OSBPL9: variants seen among roughly 807,000 people sequenced by gnomAD.
OSBPL9 encodes oxysterol-binding protein-related protein 9.
OSBPL9 carries 40 observed loss-of-function variants against 106.6 expected under a neutral mutation model. The observed-to-expected ratio is 0.38, with a 90% CI of 0.29 to 0.49. The LOEUF (loss-of-function observed/expected upper bound fraction) is 0.49. Ranked by LOEUF, OSBPL9 falls within the 20% of genes least tolerant of loss-of-function variation. The pLI is 0.97. For missense variants in OSBPL9, 609 were observed against 887.2 expected, an observed-to-expected ratio of 0.69 and a Z score of 3.98; for synonymous variants, 269 against 295.4, an observed-to-expected ratio of 0.91 and a Z score of 0.92.
chr1:51,730,116 C>A, intron 4 of OSBPL9: 1 of 1,249,616 alleles, frequency 8.0e-7, no homozygotes, highest in Non-Finnish European at 1.0e-6. Flanking sequence ...CTTCCCGCCG[C>A]CCCCTGGGGT....
chr1:51,786,346 C>G (rs1677626733), intron 21 of OSBPL9, 180 bp from the exon 22 acceptor site: 1 of 555,044 alleles, frequency 1.8e-6, no homozygotes, highest in African/African-American at 1.9e-5. Flanking sequence ...AACTTGCACT[C>G]TGTACTACTG....
chr1:51,740,569 C>G (rs1200374568), intron 4 of OSBPL9, among the ~76,000 whole-genome samples: 3 of 151,728 alleles, frequency 2.0e-5, no homozygotes, highest in Non-Finnish European at 4.4e-5. Context: ...CAAAGAATAA[C>G]TTACTTCTAA....
chr1:51,783,661 A>T (rs914998275), intron 17 of OSBPL9, among the ~76,000 whole-genome samples: 4 of 152,204 alleles, frequency 2.6e-5, no homozygotes, highest in Non-Finnish European at 4.4e-5. Context: ...ACCAGAACAG[A>T]TAGCCCTTTT....
At chr1:51,533,980 G>T in the OSBPL9 span, among the ~76,000 whole-genome samples, 3 of 151,714 alleles carry the variant, frequency 2.0e-5, no homozygotes, top group Non-Finnish European at 4.4e-5. Context: ...GCCGAGGCAG[G>T]TGGATCATGA....
chr1:51,674,070 T>C (rs974741607), intron 3 of OSBPL9, among the ~76,000 whole-genome samples: 4 of 149,886 alleles, frequency 2.7e-5, no homozygotes, highest in African/African-American at 9.8e-5. Flanking sequence ...TTCTTCTTTT[T>C]TTTTTTTTTT....
At chr1:51,740,801 A>C (rs551405906) in intron 4 of OSBPL9, among the ~76,000 whole-genome samples, 1 of 152,074 alleles carries the variant, frequency 6.6e-6, no homozygotes. Flanking sequence ...TAGGTTTCTT[A>C]ATTTCCGGAT....
At chr1:51,626,514 CT>C (rs1436338539) in intron 1 of OSBPL9, among the ~76,000 whole-genome samples, 3 of 151,542 alleles carry the variant, frequency 2.0e-5, no homozygotes, top group Non-Finnish European at 4.4e-5. Context: ...GCTTTTTATT[CT>C]TTTTTTTCCC....
At chr1:51,655,306 G>GTTTGTTT (rs1365418411) in intron 2 of OSBPL9, among the ~76,000 whole-genome samples, 1 of 152,112 alleles carries the variant, frequency 6.6e-6, no homozygotes, top group Non-Finnish European at 1.5e-5. Context: ...CTGAAGCCCT[G>GTTTGTTT]TTTGTTTTTT....
the OSBPL9 span, among the ~76,000 whole-genome samples, chr1:51,538,463 A>ATT: frequency 6.6e-6 from 1 of 151,782 alleles, no homozygotes; most frequent in Non-Finnish European, 1.5e-5. Flanking sequence ...ATTTAGATTC[A>ATT]TTTTTTTTCC....
chr1:51,518,979 C>G, the OSBPL9 span, among the ~76,000 whole-genome samples: 1 of 151,026 alleles, frequency 6.6e-6, no homozygotes, highest in African/African-American at 2.4e-5. Flanking sequence ...AGGAGGCGCC[C>G]GACGACCCTG....
At chr1:51,676,813 AAAAC>A (rs1651355788) in intron 3 of OSBPL9, among the ~76,000 whole-genome samples, 1 of 152,220 alleles carries the variant, frequency 6.6e-6, no homozygotes, top group South Asian at 2.1e-4. Context: ...AAATGACAAA[AAAAC>A]CCAATTGGGC....
At chr1:51,636,149 CTTG>C (rs1399537716) in intron 1 of OSBPL9, among the ~76,000 whole-genome samples, 3 of 114,786 alleles carry the variant, frequency 2.6e-5, no homozygotes, top group South Asian at 2.7e-4. Flanking sequence ...CTCTCTCTCT[CTTG>C]TTTTTTTTTT....
chr1:51,757,682 A>G (rs938740135), intron 9 of OSBPL9, among the ~76,000 whole-genome samples: 7 of 152,110 alleles, frequency 4.6e-5, no homozygotes, highest in Admixed American at 1.3e-4. Context: ...TTCCTTAAGA[A>G]TTTTTATTTT....
At chr1:51,775,021 T>G (rs1037362020) in intron 14 of OSBPL9, among the ~76,000 whole-genome samples, 3 of 152,212 alleles carry the variant, frequency 2.0e-5, no homozygotes, top group Non-Finnish European at 4.4e-5. Context: ...TATCCATGTT[T>G]TCTTCTTCAG....
chr1:51,549,915 G>A, the OSBPL9 span, among the ~76,000 whole-genome samples: 1 of 152,182 alleles, frequency 6.6e-6, no homozygotes, highest in Admixed American at 6.5e-5. Flanking sequence ...GTATTCAATA[G>A]TAATAGATAT....
At chr1:51,600,116 T>C (rs1645319562) in intron 2 of OSBPL9, among the ~76,000 whole-genome samples, 1 of 152,218 alleles carries the variant, frequency 6.6e-6, no homozygotes, top group South Asian at 2.1e-4. Context: ...CACCTTGGTG[T>C]TTTAAGTTCC....
intron 14 of OSBPL9, among the ~76,000 whole-genome samples, chr1:51,775,726 T>C (rs1025873669): frequency 2.0e-5 from 3 of 152,156 alleles, no homozygotes; most frequent in African/African-American, 7.2e-5. Flanking sequence ...TTCTCCTGCC[T>C]CAGCCTCTCG....
chr1:51,781,039 C>G, intron 15 of OSBPL9, 125 bp from the exon 16 acceptor site: 1 of 702,656 alleles, frequency 1.4e-6, no homozygotes. Context: ...AAACTGTAAG[C>G]TAACTCCTGG....
intron 4 of OSBPL9, among the ~76,000 whole-genome samples, chr1:51,722,162 A>AATAG (rs3991279): frequency 0.72 from 106,424 of 146,898 alleles, 38,669 homozygotes; most frequent in Admixed American, 0.77. Context: ...CTCTAAAATA[A>AATAG]ATAGATAGAT....
Sources: gnomAD v4.1 joint callset for allele counts (sites outside exome capture counted in the v4.1 genomes callset) on GRCh38, gnomAD v4.1.1 for gene constraint, MANE v1.5 for transcripts, NCBI Gene and HGNC (gene_info 2026-07-23, HGNC 2026-07-21) for gene names.